The following COX7B2 variants were observed in gnomAD, a reference collection of about 807,000 sequenced individuals.
The protein encoded by COX7B2 is cytochrome c oxidase subunit 7B2.
For missense variants in COX7B2, 109 were observed against 95.9 expected (o/e 1.14, Z -0.57); for synonymous variants, 37 against 32.1 (o/e 1.15, Z -0.51).
chr4:46,850,288 A>G (rs1716588649), intron 1 of COX7B2, among the ~76,000 whole-genome samples: 1 of 151,968 alleles, frequency 6.6e-6, no homozygotes, highest in Admixed American at 6.6e-5. Context: ...TGATTTAAAA[A>G]TGAGATACTG....
At chr4:46,780,496 G>T (rs1460627448) in intron 2 of COX7B2, among the ~76,000 whole-genome samples, 1 of 152,190 alleles carries the variant, frequency 6.6e-6, no homozygotes, top group Non-Finnish European at 1.5e-5. Context: ...CAGCCTGGGT[G>T]ACAGAGAGAG....
chr4:46,893,565 A>G (rs1035637896), intron 1 of COX7B2, among the ~76,000 whole-genome samples: 1 of 152,160 alleles, frequency 6.6e-6, no homozygotes, highest in Non-Finnish European at 1.5e-5. Context: ...TAGCTGTGGC[A>G]GCTATTGCAT....
At chr4:46,783,259 C>G (rs933016926) in intron 2 of COX7B2, among the ~76,000 whole-genome samples, 5 of 152,182 alleles carry the variant, frequency 3.3e-5, no homozygotes, top group African/African-American at 9.7e-5. Context: ...GGCTGGAAAA[C>G]ACAACCAAAT....
At chr4:46,786,698 G>A (rs559435941) in intron 2 of COX7B2, among the ~76,000 whole-genome samples, 2 of 152,250 alleles carry the variant, frequency 1.3e-5, no homozygotes, top group East Asian at 1.9e-4. Flanking sequence ...GAAGAAGCCT[G>A]CCTTTTATAA....
intron 1 of COX7B2, among the ~76,000 whole-genome samples, chr4:46,855,182 C>T (rs949512384): frequency 6.6e-6 from 1 of 152,014 alleles, no homozygotes; most frequent in African/African-American, 2.4e-5. Flanking sequence ...ACAAAATTAG[C>T]CAGGCATGGT....
At chr4:46,825,918 T>G (rs1278778721) in intron 2 of COX7B2, among the ~76,000 whole-genome samples, 1 of 152,068 alleles carries the variant, frequency 6.6e-6, no homozygotes, top group Non-Finnish European at 1.5e-5. Context: ...CCCAAAACTA[T>G]AAAATCCCTG....
chr4:46,882,292 G>C (rs1356762748), intron 1 of COX7B2, among the ~76,000 whole-genome samples: 1 of 152,268 alleles, frequency 6.6e-6, no homozygotes, highest in East Asian at 1.9e-4. Flanking sequence ...AGAGAGTTCT[G>C]TAAAGGTCTA....
At chr4:46,738,964 T>C (rs1714538937) in intron 2 of COX7B2, among the ~76,000 whole-genome samples, 1 of 152,050 alleles carries the variant, frequency 6.6e-6, no homozygotes, top group South Asian at 2.1e-4. Context: ...AAGTTCTTTC[T>C]GCAAAAAATA....
At chr4:46,736,166 TC>T (rs1714352820) in intron 2 of COX7B2, among the ~76,000 whole-genome samples, 1 of 152,172 alleles carries the variant, frequency 6.6e-6, no homozygotes, top group Non-Finnish European at 1.5e-5. Flanking sequence ...CCCTCTGTGC[TC>T]TGCTTATGTT....
intron 1 of COX7B2, among the ~76,000 whole-genome samples, chr4:46,902,413 C>A (rs905990542): frequency 1.3e-5 from 2 of 152,176 alleles, no homozygotes. Flanking sequence ...TACCAATAAT[C>A]TGCAGCATTT....
chr4:46,867,942 T>C (rs1186569357), intron 1 of COX7B2, among the ~76,000 whole-genome samples: 2 of 152,188 alleles, frequency 1.3e-5, no homozygotes, highest in Non-Finnish European at 2.9e-5. Context: ...ATAGTTTATG[T>C]AGAAATGGTA....
rs992253778 is a variant in COX7B2, at chr4:46,773,829, A to G, written c.-49-38588T>C. Among the ~76,000 whole-genome samples, 6 of 152,046 alleles carry G rather than the reference A, an allele frequency of 3.9e-5. No homozygotes were observed. In the South Asian group the frequency reaches 1.0e-3, roughly 26 times the overall value. On this transcript the variant is annotated intron_variant, in intron 2 of 2. Transcript: ENST00000355591. ...AAGACCTGGGGGCTATCTTTAGTCT[A>G]TAGACTGCCACTTTGAGGCTTTTAT...
chr4:46,873,536 T>C (rs926168797), intron 1 of COX7B2, among the ~76,000 whole-genome samples: 1 of 152,174 alleles, frequency 6.6e-6, no homozygotes, highest in African/African-American at 2.4e-5. Context: ...TGGTATCTCA[T>C]TGTGGTTTTG....
At chr4:46,854,600 C>T (rs1716895022) in intron 1 of COX7B2, among the ~76,000 whole-genome samples, 3 of 152,154 alleles carry the variant, frequency 2.0e-5, no homozygotes. Flanking sequence ...CCTTAACACA[C>T]AGTAGACACT....
chr4:46,818,033 TC>T (rs1287489980), intron 2 of COX7B2, among the ~76,000 whole-genome samples: 4 of 152,200 alleles, frequency 2.6e-5, no homozygotes, highest in Non-Finnish European at 5.9e-5. Flanking sequence ...TGCAGAGGCT[TC>T]CAGTGAGTCT....
chr4:46,894,897 T>C (rs1560442359), intron 1 of COX7B2, among the ~76,000 whole-genome samples: 1 of 152,284 alleles, frequency 6.6e-6, no homozygotes, highest in South Asian at 2.1e-4. Flanking sequence ...ATATCAGTGA[T>C]CATTAGAGAA....
intron 1 of COX7B2, among the ~76,000 whole-genome samples, chr4:46,905,847 G>T (rs1251504541): frequency 1.3e-5 from 1 of 76,564 alleles, no homozygotes; most frequent in African/African-American, 4.6e-5. Flanking sequence ...TTTTGAGACG[G>T]AGTCTCGCTC....
intron 2 of COX7B2, among the ~76,000 whole-genome samples, chr4:46,797,216 A>G (rs965874460): frequency 6.6e-6 from 1 of 151,480 alleles, no homozygotes; most frequent in Admixed American, 6.6e-5. Flanking sequence ...AAAGGGATCT[A>G]TAGCCCTTTG....
intron 2 of COX7B2, among the ~76,000 whole-genome samples, chr4:46,765,268 C>T (rs1478517700): frequency 2.0e-5 from 3 of 152,154 alleles, no homozygotes; most frequent in African/African-American, 7.2e-5. Context: ...TTTCACAAAA[C>T]TTGTGTCAAC....
Sources: gnomAD v4.1 joint callset for allele counts (sites outside exome capture counted in the v4.1 genomes callset) on GRCh38, gnomAD v4.1.1 for gene constraint, MANE v1.5 for transcripts, NCBI Gene and HGNC (gene_info 2026-07-23, HGNC 2026-07-21) for gene names.